KMT2E: variants seen among roughly 807,000 people sequenced by gnomAD.
KMT2E encodes lysine methyltransferase 2E (inactive).
KMT2E carries 30 observed loss-of-function variants against 184.6 expected under a neutral mutation model. The ratio of observed to expected loss-of-function variants is 0.16; its 90% CI spans 0.12 to 0.22. The LOEUF is 0.22. Among genes scored for constraint, KMT2E ranks in the 10% least tolerant of loss-of-function variants. The probability of loss-of-function intolerance (pLI) is 1.00; values close to 1 mark genes in which losing one functional copy is unlikely to be tolerated. For missense variants in KMT2E, 2,023 were observed against 2,237.4 expected (o/e 0.90, Z 1.93); for synonymous variants, 815 against 776.5 (o/e 1.05, Z -0.82).
At chr7:105,103,750 TTCTGTGTGTG>T (rs1483007940) in intron 17 of KMT2E, 1 of 140,740 alleles carries the variant, frequency 7.1e-6, no homozygotes, top group Admixed American at 7.0e-5. Context: ...ATGTGTGTGT[TTCTGTGTGTG>T]TGTGTGTGTG....
chr7:105,022,750 A>T (rs1437513810), intron 1 of KMT2E, among the ~76,000 whole-genome samples: 1 of 152,076 alleles, frequency 6.6e-6, no homozygotes, highest in Admixed American at 6.5e-5. Context: ...AAAAAAACTA[A>T]TTTTCTTCTT....
chr7:105,112,349 C>G lies in KMT2E; in HGVS notation c.4593C>G (p.Tyr1531Ter). 6.2e-7 allele frequency: 1 copy of G among 1,613,366 alleles called. No individual in the cohort carries two copies. Among genetic ancestry groups the G allele is most frequent in the Non-Finnish European group, 8.5e-7 (1 of 1,180,030 alleles). ...QTPSGQSSAT[Y>*]SQFNQQSLNS... ...CCTCAGGACAATCTTCAGCAACATA[C>G]AGTCAGTTTAACCAACAAAGTCTGA... is the stretch of plus-strand genomic sequence containing the variant. The change falls in exon 27 of 27, where the codon TAC becomes TAG. Residue 1531 changes from tyrosine to a stop codon, truncating the protein, a stop_gained. Transcript: ENST00000311117. LOFTEE classifies it high-confidence loss of function.
rs765048531 is a variant in KMT2E, at chr7:105,106,502, G to T, written c.2597-20G>T. On this transcript the variant is annotated intron_variant, in intron 19 of 26. Coordinates refer to ENST00000311117, the MANE Select transcript of KMT2E (RefSeq NM_182931.3). The stretch of plus-strand genomic sequence containing the variant: ...AATAGCAACAGTGTAATTTCTTACA[G>T]ATTATTATTTCACCAACAGATTTAA... The T allele has an allele frequency of 1.9e-6, 3 of 1,581,596 alleles. No homozygotes were observed. The highest frequency in any genetic ancestry group is 8.7e-7 in the Non-Finnish European group (1 of 1,150,970).
intron 6 of KMT2E, among the ~76,000 whole-genome samples, chr7:105,072,281 G>A (rs1562907123): frequency 6.6e-6 from 1 of 152,110 alleles, no homozygotes; most frequent in African/African-American, 2.4e-5. Context: ...TCGCACCACG[G>A]AACTCCAGCT....
chr7:105,076,948 A>C lies in KMT2E; in HGVS notation c.769-15A>C. 6.4e-7 allele frequency: 1 copy of C among 1,559,502 alleles called. No individual in the cohort carries two copies. The highest frequency in any genetic ancestry group is 1.1e-5 in the South Asian group (1 of 89,828). Reference sequence around the variant, plus strand: ...TCCGTAAGTCCAGATACTAAAGCTCAGTTTATGATTTTAGGGTTCAGCTCC... The same window carrying C: ...TCCGTAAGTCCAGATACTAAAGCTCCGTTTATGATTTTAGGGTTCAGCTCC... On this transcript the variant is annotated splice_polypyrimidine_tract_variant and intron_variant, in intron 9 of 26. Transcript: ENST00000311117.
At chr7:105,075,910 G>C in intron 8 of KMT2E, 133 bp from the exon 9 acceptor site, 3 of 666,172 alleles carry the variant, frequency 4.5e-6, no homozygotes, top group Non-Finnish European at 8.0e-6. Context: ...CATTCTCCTA[G>C]TGTCAGCTTT....
At position 105,105,653 on chromosome 7, in the gene KMT2E, G is replaced by A. The variant is rs755948179; in HGVS notation, c.2411G>A (p.Arg804Lys). The A allele has an allele frequency of 2.5e-6, 4 of 1,606,770 alleles. No homozygotes were observed. The highest frequency in any genetic ancestry group is 1.3e-5 in the African/African-American group (1 of 74,342). ...TSPFLSEKRR[R>K]KEPTENISGS... The stretch of plus-strand genomic sequence containing the variant: ...CCATTCCTTTCAGAAAAAAGGAGAA[G>A]AAAAGAACCTACTGAAAACATTTCT... The change falls in exon 18 of 27, where the codon AGA becomes AAA. Residue 804 changes from arginine (R) to lysine (K), a missense_variant. By Grantham distance (26) the Arg-to-Lys change is conservative. Coordinates refer to ENST00000311117, the MANE Select transcript of KMT2E (RefSeq NM_182931.3).
Position 105,112,400 on chromosome 7 carries a change from TCCTCCA to T in KMT2E, c.4650_4655del (p.Pro1551_Pro1552del), listed in dbSNP as rs774512378. 8 of 1,611,816 alleles carry T rather than the reference TCCTCCA, an allele frequency of 5.0e-6. No individual in the cohort carries two copies. Among genetic ancestry groups the T allele is most frequent in the Non-Finnish European group, 5.9e-6 (7 of 1,179,446 alleles). ...ACAGCACGGCACCACCCCCTCCACC[TCCTCCA>T]CCTCCTTCTTCGTCTTACTATCAAA... On this transcript the variant is annotated inframe_deletion, in exon 27 of 27. Transcript: ENST00000311117.
chr7:105,086,949 G>A (rs1008215165), intron 13 of KMT2E, among the ~76,000 whole-genome samples: 4 of 145,322 alleles, frequency 2.8e-5, no homozygotes, highest in Non-Finnish European at 6.0e-5. Flanking sequence ...TATATAGTAT[G>A]CTATATGTAA....
intron 3 of KMT2E, among the ~76,000 whole-genome samples, chr7:105,059,595 A>G (rs1324981155): frequency 2.0e-5 from 3 of 152,234 alleles, no homozygotes; most frequent in African/African-American, 7.2e-5. Flanking sequence ...GTCAATATTT[A>G]CCCGTAGGGG....
chr7:105,094,860 C>T (rs1798339903), intron 15 of KMT2E, among the ~76,000 whole-genome samples: 1 of 152,188 alleles, frequency 6.6e-6, no homozygotes, highest in Admixed American at 6.5e-5. Context: ...AAAAACAGCA[C>T]TGTATATATA....
At chr7:105,069,318 C>A (rs1006678968) in intron 6 of KMT2E, among the ~76,000 whole-genome samples, 8 of 152,160 alleles carry the variant, frequency 5.3e-5, no homozygotes, top group Non-Finnish European at 1.2e-4. Context: ...TGTTTATCTC[C>A]TTTTATTCTA....
At chr7:105,082,825 A>G (rs926565391) in intron 13 of KMT2E, among the ~76,000 whole-genome samples, 3 of 152,258 alleles carry the variant, frequency 2.0e-5, no homozygotes, top group African/African-American at 4.8e-5. Flanking sequence ...ATCATAAAAA[A>G]GTAAAAAATC....
At chr7:105,108,884 G>T in intron 22 of KMT2E, 58 bp from the exon 23 acceptor site, 1 of 1,421,558 alleles carries the variant, frequency 7.0e-7, no homozygotes. Flanking sequence ...GAATGCATTG[G>T]TTCTGACATA....
At chr7:105,035,074 G>T (rs1795586089) in intron 1 of KMT2E, among the ~76,000 whole-genome samples, 1 of 149,580 alleles carries the variant, frequency 6.7e-6, no homozygotes. Context: ...GCCCAGGCTG[G>T]GGTGCAGTGG....
chr7:105,019,641 G>T, intron 1 of KMT2E, among the ~76,000 whole-genome samples: 1 of 151,994 alleles, frequency 6.6e-6, no homozygotes, highest in African/African-American at 2.4e-5. Flanking sequence ...ATGAAATCTG[G>T]GTTTAGAAAG....
rs777413129 is a variant in KMT2E, at chr7:105,107,197, TAA to T, written c.2881_2882del (p.Lys961GlufsTer5). On this transcript the variant is annotated frameshift_variant, in exon 21 of 27. Coordinates refer to ENST00000311117, the MANE Select transcript of KMT2E (RefSeq NM_182931.3). LOFTEE classifies it high-confidence loss of function. Reference sequence around the variant, plus strand: ...TCTTCCCCAGAAAGTTCTCCAGAAATAAAGAGACGCACTTATAGTCAAGAGGT... The same window carrying T: ...TCTTCCCCAGAAAGTTCTCCAGAAATAGAGACGCACTTATAGTCAAGAGGT... 6.4e-7 allele frequency: 1 copy of T among 1,555,858 alleles called. No homozygotes were observed. Among genetic ancestry groups the T allele is most frequent in the Non-Finnish European group, 8.7e-7 (1 of 1,144,694 alleles).
At chr7:105,106,145 T>C in intron 19 of KMT2E, 142 bp downstream of exon 19, 1 of 892,186 alleles carries the variant, frequency 1.1e-6, no homozygotes, top group African/African-American at 1.7e-5. Flanking sequence ...TTCTGTCCTC[T>C]GTATTTTTTG....
At chr7:105,075,932 A>C in intron 8 of KMT2E, 111 bp from the exon 9 acceptor site, 1 of 789,418 alleles carries the variant, frequency 1.3e-6, no homozygotes, top group Non-Finnish European at 2.1e-6. Flanking sequence ...TTGGTTACCA[A>C]ATTTTTTGTT....
Sources: gnomAD v4.1 joint callset for allele counts (sites outside exome capture counted in the v4.1 genomes callset) on GRCh38, gnomAD v4.1.1 for gene constraint, MANE v1.5 for transcripts, NCBI Gene and HGNC (gene_info 2026-07-23, HGNC 2026-07-21) for gene names.